The following SFMBT1 variants were observed in gnomAD, a reference collection of about 807,000 sequenced individuals.
SFMBT1 encodes scm-like with four MBT domains protein 1.
SFMBT1 carries 32 observed loss-of-function variants against 108.7 expected under a neutral mutation model. The observed-to-expected ratio is 0.29, with a 90% CI of 0.22 to 0.40. SFMBT1 has a LOEUF of 0.40. Among genes scored for constraint, SFMBT1 ranks in the 10% least tolerant of loss-of-function variants. SFMBT1 has a pLI of 1.00. For missense variants in SFMBT1, 816 were observed against 1,059.6 expected, an observed-to-expected ratio of 0.77 and a Z score of 3.19; for synonymous variants, 348 against 369.5, an observed-to-expected ratio of 0.94 and a Z score of 0.67.
chr3:52,972,437 G>A (rs1704376833), intron 1 of SFMBT1, among the ~76,000 whole-genome samples: 2 of 152,166 alleles, frequency 1.3e-5, no homozygotes, highest in African/African-American at 4.8e-5. Flanking sequence ...TTGTTAGCCT[G>A]CTGTCTTTTC....
intron 1 of SFMBT1, among the ~76,000 whole-genome samples, chr3:52,986,427 T>G (rs942091983): frequency 1.3e-5 from 2 of 152,152 alleles, no homozygotes; most frequent in Non-Finnish European, 2.9e-5. Flanking sequence ...TTGACTTTCT[T>G]GTAATAACAC....
At chr3:52,985,022 T>C (rs1334906924) in intron 1 of SFMBT1, among the ~76,000 whole-genome samples, 1 of 152,182 alleles carries the variant, frequency 6.6e-6, no homozygotes, top group East Asian at 1.9e-4. Flanking sequence ...TTTATCCTTA[T>C]ATTATCTTAT....
intron 1 of SFMBT1, among the ~76,000 whole-genome samples, chr3:53,010,143 A>T (rs888916265): frequency 6.6e-6 from 1 of 152,238 alleles, no homozygotes; most frequent in Non-Finnish European, 1.5e-5. Flanking sequence ...AATCATAATG[A>T]AAAGGAAGGA....
chr3:53,006,217 T>C (rs535679465), intron 1 of SFMBT1, among the ~76,000 whole-genome samples: 1 of 152,142 alleles, frequency 6.6e-6, no homozygotes, highest in Non-Finnish European at 1.5e-5. Context: ...TGAATGGGAT[T>C]AAAATGACAG....
intron 8 of SFMBT1, among the ~76,000 whole-genome samples, chr3:52,929,056 G>GGGC (rs1319590936): frequency 2.6e-5 from 4 of 152,000 alleles, no homozygotes; most frequent in African/African-American, 4.8e-5. Flanking sequence ...AGTTCAAACA[G>GGGC]AGGTTAAATA....
intron 1 of SFMBT1, among the ~76,000 whole-genome samples, chr3:52,969,971 C>T (rs148118319): frequency 4.1e-4 from 62 of 152,064 alleles, no homozygotes; most frequent in East Asian, 4.1e-3. Context: ...GGTATGGTGG[C>T]GCACGCCTGT....
intron 1 of SFMBT1, among the ~76,000 whole-genome samples, chr3:52,993,464 T>C (rs1698195486): frequency 6.7e-6 from 1 of 150,234 alleles, no homozygotes; most frequent in Non-Finnish European, 1.5e-5. Context: ...ACACATAATC[T>C]TTATGTGCTA....
In SFMBT1 at chr3:52,950,344, C is replaced by A. The variant is rs1304514913; in HGVS notation, c.123+3973G>T. ...AAATCCAATTTGTGATTTTAAAAAA[C>A]CCTTATAATAACAATTCTAATTCTG... On this transcript the variant is annotated intron_variant, in intron 3 of 20. Transcript: ENST00000394752. Among the ~76,000 whole-genome samples the A allele has an allele frequency of 2.0e-5, 3 of 152,162 alleles. No homozygotes were observed. In the East Asian group the frequency reaches 5.8e-4, roughly 29 times the overall value.
At chr3:53,031,831 A>T (rs182347555) in intron 1 of SFMBT1, among the ~76,000 whole-genome samples, 1 of 152,334 alleles carries the variant, frequency 6.6e-6, no homozygotes, top group East Asian at 1.9e-4. Flanking sequence ...CAATTAGGAA[A>T]AACATCCTGG....
chr3:53,042,496 C>T (rs896119899), intron 1 of SFMBT1, among the ~76,000 whole-genome samples: 4 of 152,108 alleles, frequency 2.6e-5, no homozygotes, highest in Admixed American at 2.6e-4. Flanking sequence ...CCCACCACCG[C>T]GCCTGGCTAA....
chr3:52,998,857 C>T (rs1268228256), intron 1 of SFMBT1, among the ~76,000 whole-genome samples: 1 of 150,420 alleles, frequency 6.6e-6, no homozygotes, highest in Non-Finnish European at 1.5e-5. Context: ...TGCGGGGTGA[C>T]GGCTGTGCAG....
chr3:52,911,853 C>A (rs980601987), intron 16 of SFMBT1, among the ~76,000 whole-genome samples: 1 of 152,032 alleles, frequency 6.6e-6, no homozygotes. Flanking sequence ...GCACACACCA[C>A]GACACCTGGC....
intron 1 of SFMBT1, among the ~76,000 whole-genome samples, chr3:53,023,369 T>C (rs923810101): frequency 5.9e-5 from 9 of 152,248 alleles, no homozygotes; most frequent in Admixed American, 2.0e-4. Flanking sequence ...AACACATGGA[T>C]ATGACTAGGC....
chr3:52,967,589 T>C (rs1030417629), intron 2 of SFMBT1, among the ~76,000 whole-genome samples: 1 of 152,120 alleles, frequency 6.6e-6, no homozygotes, highest in Admixed American at 6.5e-5. Flanking sequence ...TTCAATAAAG[T>C]TTTTTGAAAA....
chr3:53,032,891 G>A (rs1397774745), intron 1 of SFMBT1, among the ~76,000 whole-genome samples: 1 of 152,216 alleles, frequency 6.6e-6, no homozygotes, highest in South Asian at 2.1e-4. Flanking sequence ...AGGAGGGAAG[G>A]CTTCACAGAA....
intron 1 of SFMBT1, among the ~76,000 whole-genome samples, chr3:53,024,705 T>C (rs1699428265): frequency 6.6e-6 from 1 of 152,198 alleles, no homozygotes; most frequent in Non-Finnish European, 1.5e-5. Flanking sequence ...AAGCAAATTC[T>C]GAATATATTT....
At chr3:52,911,935 G>C (rs891275318) in intron 16 of SFMBT1, among the ~76,000 whole-genome samples, 3 of 151,848 alleles carry the variant, frequency 2.0e-5, no homozygotes, top group Non-Finnish European at 2.9e-5. Context: ...CCTGACCTCA[G>C]GTGATCCGCC....
intron 20 of SFMBT1, among the ~76,000 whole-genome samples, chr3:52,905,906 G>A (rs952750366): frequency 1.3e-5 from 2 of 152,034 alleles, no homozygotes; most frequent in Non-Finnish European, 2.9e-5. Context: ...AGGAAAAACT[G>A]GAATGCAATG....
At chr3:53,040,973 T>TTTTTC (rs1270827150) in intron 1 of SFMBT1, among the ~76,000 whole-genome samples, 1 of 41,066 alleles carries the variant, frequency 2.4e-5, no homozygotes, top group Non-Finnish European at 4.9e-5. Context: ...CCTGAATTTT[T>TTTTTC]TTTTTTTTTT....
Sources: allele counts gnomAD v4.1 joint callset (sites outside exome capture counted in the v4.1 genomes callset), GRCh38; gene constraint gnomAD v4.1.1; transcripts MANE v1.5; gene names NCBI Gene and HGNC (gene_info 2026-07-23, HGNC 2026-07-21).